PLEKHG7: variants seen among roughly 807,000 people sequenced by gnomAD.
PLEKHG7 encodes pleckstrin homology domain-containing family G member 7.
Under a neutral mutation model 85.2 loss-of-function variants are expected in PLEKHG7, and 77 were observed. The observed-to-expected ratio is 0.90, with a 90% CI of 0.75 to 1.09. The LOEUF is 1.09. Among genes scored for constraint, PLEKHG7 ranks in the 50% least tolerant of loss-of-function variants. The probability of loss-of-function intolerance (pLI) is 0.00; values close to 1 mark genes in which losing one functional copy is unlikely to be tolerated. For synonymous variants in PLEKHG7, 301 were observed against 302.4 expected (o/e 1.00, Z 0.05); for missense variants, 777 against 804.3 (o/e 0.97, Z 0.41).
Position 92,706,579 on chromosome 12 carries a change from GC to G in PLEKHG7, c.-52del. On this transcript the variant is annotated 5_prime_UTR_variant, in exon 2 of 17. It removes the in-frame stop codon of an upstream open reading frame in the 5' UTR. Transcript: ENST00000344636. ...CACCCTCCATGTGATCCAGAGAACA[GC>G]AACTCATACGTCTTCTGGAACCTTC... The G allele has an allele frequency of 1.3e-6, 2 of 1,526,796 alleles. No homozygotes were observed. Among genetic ancestry groups the G allele is most frequent in the East Asian group, 4.5e-5 (2 of 44,098 alleles). The allele number at this position is 1,526,796 out of a possible 1,614,324, so 94.6% of individuals were successfully genotyped here. A position where few individuals can be genotyped will look rare whatever the true frequency, so the allele number is the denominator to read the frequency against.
rs755205710 is a variant in PLEKHG7, at chr12:92,740,873, A to T, written c.960A>T (p.Arg320Ser). ...CAAAGATCTTTATGAATACACTAAG[A>T]TATCTGCAAACTCATGAATATCTCC... Reference protein sequence around the residue: ...VLKMIFMNTLRYLQTHEYLLD... With the variant: ...VLKMIFMNTLSYLQTHEYLLD... Residue 320 changes from arginine to serine, a missense_variant, in exon 8 of 17, where the codon AGA (arginine) becomes AGT (serine). Physicochemically the swap from Arg to Ser is moderately radical, Grantham distance 110. Around this residue, in one of 3 missense-constraint regions of PLEKHG7, gnomAD observed 520 missense variants for 544.0 expected, o/e 0.96. Coordinates refer to ENST00000344636, the MANE Select transcript of PLEKHG7 (RefSeq NM_001377329.1). The T allele has an allele frequency of 2.5e-6, 4 of 1,607,718 alleles. No individual in the cohort carries two copies. Among genetic ancestry groups the T allele is most frequent in the Non-Finnish European group, 3.4e-6 (4 of 1,175,486 alleles).
At chr12:92,708,981 C>T (rs1319290015) in intron 3 of PLEKHG7, among the ~76,000 whole-genome samples, 2 of 151,824 alleles carry the variant, frequency 1.3e-5, no homozygotes, top group Non-Finnish European at 2.9e-5. Flanking sequence ...TCAGTTGTGT[C>T]AAAGAAAGTG....
At chr12:92,730,936 T>C (rs779547593) in intron 4 of PLEKHG7, among the ~76,000 whole-genome samples, 2 of 152,216 alleles carry the variant, frequency 1.3e-5, no homozygotes, top group African/African-American at 2.4e-5. Context: ...AGAGGCCTCA[T>C]GTTCCCAAGT....
chr12:92,734,405 A>G (rs146876396), intron 5 of PLEKHG7, among the ~76,000 whole-genome samples: 1 of 152,262 alleles, frequency 6.6e-6, no homozygotes, highest in Non-Finnish European at 1.5e-5. Context: ...TACTGTTTGC[A>G]TGTATTCTTG....
At position 92,706,631 on chromosome 12, in the gene PLEKHG7, T is replaced by C; in HGVS notation, c.-1T>C. ...TACCAACAGTAGAACCTCTTAGCTTTATGGAGAAAACAGAGTCATTCTGTC... is the reference window on the plus strand; with the variant it reads ...TACCAACAGTAGAACCTCTTAGCTTCATGGAGAAAACAGAGTCATTCTGTC... On this transcript the variant is annotated 5_prime_UTR_variant, in exon 2 of 17. Transcript: ENST00000344636. 1 of 1,603,402 alleles carries C rather than the reference T, an allele frequency of 6.2e-7. No homozygotes were observed. The highest frequency in any genetic ancestry group is 8.5e-7 in the Non-Finnish European group (1 of 1,175,288).
At position 92,707,669 on chromosome 12, in the gene PLEKHG7, C is replaced by T. The variant is rs775684994; in HGVS notation, c.527C>T (p.Ser176Phe). ...PSPQGEELHPSRFYEHRRSSV... is the reference protein window; with the variant it reads ...PSPQGEELHPFRFYEHRRSSV... ...TTTCAGGGAGAAGAATTGCACCCAT[C>T]CAGGTGTGTATGCATTTATTTTCTC... The change falls in exon 3 of 17, where the codon TCC becomes TTC. Residue 176 changes from serine (S) to phenylalanine (F), a missense_variant. Coordinates refer to ENST00000344636, the MANE Select transcript of PLEKHG7 (RefSeq NM_001377329.1). 1 of 1,613,920 alleles carries T rather than the reference C, an allele frequency of 6.2e-7. No homozygotes were observed. The highest frequency in any genetic ancestry group is 1.7e-5 in the Admixed American group (1 of 60,024).
rs145699643 is a variant in PLEKHG7 at position 92,764,121 on chromosome 12, G to A, written c.1797G>A (p.Ser599=). ...ELQAVIKEGG[S]CTVLDQPIPL... is the part of the protein sequence containing the mutation. ...AAGCAGTAATAAAAGAGGGTGGTTC[G>A]TGTACAGTACTCGATCAGCCTATTC... Residue 599 remains serine (S), a synonymous_variant, in exon 15 of 17, where the codon TCG becomes TCA. Transcript: ENST00000344636. 200 of 1,612,332 alleles carry A rather than the reference G, an allele frequency of 1.2e-4. 1 individual carries two copies. The highest frequency in any genetic ancestry group is 1.6e-4 in the East Asian group (7 of 44,756).
intron 3 of PLEKHG7, among the ~76,000 whole-genome samples, chr12:92,725,183 G>A (rs1261221961): frequency 6.6e-6 from 1 of 152,116 alleles, no homozygotes; most frequent in African/African-American, 2.4e-5. Context: ...GCACCTAGGG[G>A]ATAAAACATT....
At chr12:92,737,695 A>AGAG (rs149911019) in intron 7 of PLEKHG7, among the ~76,000 whole-genome samples, 174 bp downstream of exon 7, 7,033 of 125,098 alleles carry the variant, frequency 0.056, 549 homozygotes, top group African/African-American at 0.18. Flanking sequence ...AGAAAAGAAA[A>AGAG]AGAGAGAAAG....
chr12:92,736,647 G>T, intron 6 of PLEKHG7, 70 bp downstream of exon 6: 1 of 983,906 alleles, frequency 1.0e-6, no homozygotes, highest in Non-Finnish European at 1.3e-6. Flanking sequence ...GGGGAAGGTC[G>T]GGTCAGTATT....
rs1418439279 is a variant in PLEKHG7 at position 92,772,220 on chromosome 12, T to G, written c.*2025T>G. On this transcript the variant is annotated 3_prime_UTR_variant, in exon 17 of 17. Transcript: ENST00000344636. ...TATCTTTAAATGGTCATCTGGGTATTAAATGCAGACACACAATGAAATAAG... is the reference window on the plus strand; with the variant it reads ...TATCTTTAAATGGTCATCTGGGTATGAAATGCAGACACACAATGAAATAAG... 1 of 151,924 alleles carries G rather than the reference T, an allele frequency of 6.6e-6. No individual in the cohort carries two copies. The highest frequency in any genetic ancestry group is 2.4e-5 in the African/African-American group (1 of 41,436). 9.4% of individuals were successfully genotyped at this position (151,924 alleles called of 1,614,324 possible). A position where few individuals can be genotyped will look rare whatever the true frequency, so the allele number is the denominator to read the frequency against.
At chr12:92,717,634 A>G (rs1168035326) in intron 3 of PLEKHG7, among the ~76,000 whole-genome samples, 1 of 152,268 alleles carries the variant, frequency 6.6e-6, no homozygotes, top group Non-Finnish European at 1.5e-5. Context: ...ATGTTTAGAT[A>G]CACAAATACT....
At chr12:92,746,500 GT>G (rs200995269) in intron 10 of PLEKHG7, among the ~76,000 whole-genome samples, 76 of 151,962 alleles carry the variant, frequency 5.0e-4, no homozygotes, top group Non-Finnish European at 9.6e-4. Flanking sequence ...GCCCTTTAGT[GT>G]TTTTTTTGCT....
At chr12:92,761,868 A>G in intron 14 of PLEKHG7, 37 bp downstream of exon 14, 1 of 1,524,480 alleles carries the variant, frequency 6.6e-7, no homozygotes, top group Non-Finnish European at 8.7e-7. Flanking sequence ...TTTCTAAACA[A>G]GTTTGCTAAA....
chr12:92,712,119 T>G (rs1201766745), intron 3 of PLEKHG7, among the ~76,000 whole-genome samples: 1 of 152,248 alleles, frequency 6.6e-6, no homozygotes, highest in Non-Finnish European at 1.5e-5. Flanking sequence ...CATGCAAATG[T>G]GTCACCAATA....
intron 3 of PLEKHG7, among the ~76,000 whole-genome samples, chr12:92,709,700 T>A (rs1393493474): frequency 1.3e-5 from 2 of 152,138 alleles, no homozygotes; most frequent in African/African-American, 4.8e-5. Context: ...CATTGCCATA[T>A]GAAATCTGTG....
chr12:92,714,824 A>G (rs1009838150), intron 3 of PLEKHG7, among the ~76,000 whole-genome samples: 3 of 152,180 alleles, frequency 2.0e-5, no homozygotes, highest in Non-Finnish European at 2.9e-5. Flanking sequence ...GGTTCACACC[A>G]AGGACTATCA....
intron 3 of PLEKHG7, among the ~76,000 whole-genome samples, chr12:92,719,946 C>T (rs926573702): frequency 1.3e-5 from 2 of 152,204 alleles, no homozygotes; most frequent in South Asian, 2.1e-4. Context: ...TCACGTGGCA[C>T]ACTTGCTTTC....
At chr12:92,705,408 A>G (rs556124178) in intron 1 of PLEKHG7, among the ~76,000 whole-genome samples, 2 of 152,380 alleles carry the variant, frequency 1.3e-5, no homozygotes, top group Non-Finnish European at 2.9e-5. Flanking sequence ...AGTATTGCCC[A>G]TGCAATTAAA....
Sources: allele counts gnomAD v4.1 joint callset (sites outside exome capture counted in the v4.1 genomes callset), GRCh38; gene constraint gnomAD v4.1.1; regional missense constraint gnomAD v4.1.1; transcripts MANE v1.5; gene names NCBI Gene and HGNC (gene_info 2026-07-23, HGNC 2026-07-21).